Variants in C8orf89 observed in about 807,000 individuals in gnomAD.
The protein encoded by C8orf89 is chromosome 8 open reading frame 89.
In C8orf89, 14 loss-of-function variants were observed where a neutral mutation model predicts 15.8. That is an observed-to-expected ratio of 0.89 (90% CI 0.59 to 1.39). The LOEUF (loss-of-function observed/expected upper bound fraction) is 1.39, where lower values mean the gene tolerates loss of function less well. C8orf89 is among the 40% of genes most tolerant of loss of function. The pLI is 0.00. For missense variants in C8orf89, 181 were observed against 184.5 expected (o/e 0.98, Z 0.11); for synonymous variants, 55 against 62.2 (o/e 0.88, Z 0.54).
At chr8:73,242,611 C>T (rs1052329235) in intron 3 of C8orf89, among the ~76,000 whole-genome samples, 2 of 152,154 alleles carry the variant, frequency 1.3e-5, no homozygotes, top group Non-Finnish European at 2.9e-5. Context: ...GATATCATTT[C>T]ACCCCAATTA....
chr8:73,248,060 T>A lies in C8orf89; in HGVS notation c.337+2208A>T, dbSNP rs942642058. 5.3e-5 allele frequency among the ~76,000 whole-genome samples: 8 copies of A among 152,348 alleles called. No homozygotes were observed. In the South Asian group the frequency reaches 1.7e-3, roughly 32 times the overall value. ...ATTGCCTAGGTTGTCTTCCAATGTTTTTATAGTTTTGGGTTTTACATTTAA... is the reference window on the plus strand; with the variant it reads ...ATTGCCTAGGTTGTCTTCCAATGTTATTATAGTTTTGGGTTTTACATTTAA... On this transcript the variant is annotated intron_variant, in intron 3 of 3. Coordinates refer to ENST00000624510, the MANE Select transcript of C8orf89 (RefSeq NM_001243237.3).
At chr8:73,254,551 G>A (rs568841796) in intron 2 of C8orf89, among the ~76,000 whole-genome samples, 22 of 152,272 alleles carry the variant, frequency 1.4e-4, no homozygotes, top group Admixed American at 1.2e-3. Context: ...GAAGGAAGCT[G>A]CTAAACGGGA....
chr8:73,246,899 T>C (rs1813141001), intron 3 of C8orf89, among the ~76,000 whole-genome samples: 1 of 152,228 alleles, frequency 6.6e-6, no homozygotes, highest in Non-Finnish European at 1.5e-5. Context: ...TTAGTAATTT[T>C]AGTTTTGGTT....
chr8:73,285,188 G>A, the C8orf89 span, among the ~76,000 whole-genome samples: 1 of 152,164 alleles, frequency 6.6e-6, no homozygotes, highest in African/African-American at 2.4e-5. Context: ...GGGTAGGCAA[G>A]GGAAGGAAAG....
At chr8:73,244,697 G>A (rs1183989314) in intron 3 of C8orf89, among the ~76,000 whole-genome samples, 1 of 152,086 alleles carries the variant, frequency 6.6e-6, no homozygotes, top group Non-Finnish European at 1.5e-5. Context: ...AGAAACAGGT[G>A]AGAGTTAAGA....
chr8:73,250,230 C>T, intron 3 of C8orf89, 38 bp downstream of exon 3: 3 of 1,417,748 alleles, frequency 2.1e-6, no homozygotes, highest in Non-Finnish European at 2.9e-6. Flanking sequence ...TATATGACAC[C>T]CAAGAGAGGT....
At chr8:73,284,464 C>T in the C8orf89 span, among the ~76,000 whole-genome samples, 19 of 152,016 alleles carry the variant, frequency 1.2e-4, no homozygotes, top group Admixed American at 1.1e-3. Context: ...CTGCCCGCCT[C>T]GGCCTCTCAA....
chr8:73,260,724 C>T (rs1269563856), upstream of C8orf89, among the ~76,000 whole-genome samples: 1 of 152,042 alleles, frequency 6.6e-6, no homozygotes, highest in Admixed American at 6.6e-5. Flanking sequence ...ATATGGCTCC[C>T]AGCAGAGGAA....
At chr8:73,280,446 CT>C in the C8orf89 span, among the ~76,000 whole-genome samples, 4 of 152,206 alleles carry the variant, frequency 2.6e-5, no homozygotes, top group Non-Finnish European at 1.5e-5. Flanking sequence ...TCTCAGCTCA[CT>C]GCAACCTCCA....
rs138832054 is a variant in C8orf89, at chr8:73,241,869, C to T, written c.338-264G>A. ...TTAACAAAAGTGCCAAGAATATACA[C>T]TAGGGAAAAGATAGTCTCATCAATA... On this transcript the variant is annotated intron_variant, in intron 3 of 3. Transcript: ENST00000624510. Among the ~76,000 whole-genome samples, 1,094 of 151,936 alleles carry T rather than the reference C, an allele frequency of 7.2e-3. 10 individuals carry two copies. The highest frequency in any genetic ancestry group is 0.011 in the Non-Finnish European group (776 of 67,988).
the C8orf89 span, among the ~76,000 whole-genome samples, chr8:73,274,446 T>A: frequency 6.6e-6 from 1 of 152,158 alleles, no homozygotes; most frequent in African/African-American, 2.4e-5. Flanking sequence ...CCACCGCACC[T>A]GGCCATTTCA....
chr8:73,249,626 T>A (rs981145209), intron 3 of C8orf89, among the ~76,000 whole-genome samples: 1 of 152,032 alleles, frequency 6.6e-6, no homozygotes, highest in Non-Finnish European at 1.5e-5. Flanking sequence ...TTGTTGCACA[T>A]AGGAAAGGAT....
At chr8:73,267,807 C>T in the C8orf89 span, among the ~76,000 whole-genome samples, 28 of 152,258 alleles carry the variant, frequency 1.8e-4, no homozygotes, top group East Asian at 7.7e-4. Flanking sequence ...CCTCAATAAT[C>T]TGAGTGGGCT....
At chr8:73,253,630 TCTC>T (rs1401297521) in intron 2 of C8orf89, among the ~76,000 whole-genome samples, 2 of 151,760 alleles carry the variant, frequency 1.3e-5, no homozygotes, top group African/African-American at 4.9e-5. Context: ...GGTTTGTAGT[TCTC>T]CTTGAAGAGG....
the C8orf89 span, chr8:73,277,722 G>T: frequency 2.7e-6 from 2 of 749,194 alleles, no homozygotes; most frequent in African/African-American, 1.7e-5. Context: ...CTGCATAGAG[G>T]GGGACACCCA....
At chr8:73,259,954 G>C (rs1813492333), upstream of C8orf89, among the ~76,000 whole-genome samples, 1 of 152,138 alleles carries the variant, frequency 6.6e-6, no homozygotes, top group South Asian at 2.1e-4. Context: ...ACCCTGAGGA[G>C]TCCCATGGGA....
chr8:73,268,747 G>A, the C8orf89 span, among the ~76,000 whole-genome samples: 12 of 152,152 alleles, frequency 7.9e-5, no homozygotes, highest in Admixed American at 2.0e-4. Flanking sequence ...TATAATGGGC[G>A]TGGGAGGGAG....
intron 2 of C8orf89, among the ~76,000 whole-genome samples, chr8:73,255,974 C>A (rs201169258): frequency 4.2e-5 from 3 of 71,704 alleles, no homozygotes; most frequent in South Asian, 4.8e-4. Flanking sequence ...TGGGGGGAGG[C>A]GGGAGGGATA....
intron 3 of C8orf89, among the ~76,000 whole-genome samples, chr8:73,248,603 T>A (rs1384544017): frequency 6.6e-6 from 1 of 152,184 alleles, no homozygotes; most frequent in African/African-American, 2.4e-5. Context: ...GTTTGTGTCA[T>A]CTCTGATTTA....
Sources: allele counts gnomAD v4.1 joint callset (sites outside exome capture counted in the v4.1 genomes callset), GRCh38; gene constraint gnomAD v4.1.1; transcripts MANE v1.5; gene names NCBI Gene and HGNC (gene_info 2026-07-23, HGNC 2026-07-21).